ZNF467: variants seen among roughly 807,000 people sequenced by gnomAD.
ZNF467 encodes zinc finger protein EZI.
In ZNF467, 51 loss-of-function variants were observed where a neutral mutation model predicts 47.8. That is an observed-to-expected ratio of 1.07 (90% CI 0.85 to 1.35). The LOEUF is 1.35. Ranked by LOEUF, ZNF467 falls within the 40% of genes most tolerant of loss-of-function variation. ZNF467 has a pLI of 0.00. For missense variants in ZNF467, 992 were observed against 858.1 expected (o/e 1.16, Z -1.95); for synonymous variants, 416 against 372.9 (o/e 1.12, Z -1.33).
At position 149,765,216 on chromosome 7, in the gene ZNF467, C is replaced by T. The variant is rs1368456637; in HGVS notation, c.1286G>A (p.Arg429Gln). Residue 429 changes from arginine to glutamine, a missense_variant, in exon 5 of 5, where the codon CGG becomes CAG. By Grantham distance (43) the Arg-to-Gln change is conservative (BLOSUM62 1). Transcript: ENST00000302017. Reference sequence around the variant, plus strand: ...CCCGCAGTCCGGGCAGAAGAAGGACCGCTCGCCCGAGGGGGCGCGCTGGGG... The same window carrying T: ...CCCGCAGTCCGGGCAGAAGAAGGACTGCTCGCCCGAGGGGGCGCGCTGGGG... ...VVPQRAPSGE[R>Q]SFFCPDCGRG... The T allele has an allele frequency of 6.7e-7, 1 of 1,497,446 alleles. No individual in the cohort carries two copies. The highest frequency in any genetic ancestry group is 8.9e-7 in the Non-Finnish European group (1 of 1,127,324). The allele number at this position is 1,497,446 out of a possible 1,614,324, so 92.8% of individuals were successfully genotyped here.
chr7:149,766,497 C>T (rs1244326487), intron 4 of ZNF467, among the ~76,000 whole-genome samples: 3 of 152,194 alleles, frequency 2.0e-5, no homozygotes, highest in South Asian at 2.1e-4. Context: ...CTCCAGCACC[C>T]CTGAAGAGGA....
chr7:149,765,938 G>A lies in ZNF467; in HGVS notation c.564C>T (p.Cys188=). The A allele has an allele frequency of 6.4e-7, 1 of 1,553,962 alleles. No individual in the cohort carries two copies. Among genetic ancestry groups the A allele is most frequent in the Non-Finnish European group, 8.7e-7 (1 of 1,150,166 alleles). ...HQRLHRGEGP[C]ACPDCGRSFT... is the part of the protein sequence containing the mutation. The stretch of plus-strand genomic sequence containing the variant: ...AGCTGCGGCCGCAGTCCGGGCAGGC[G>A]CAGGGGCCCTCGCCCCGGTGCAGCC... Residue 188 remains cysteine (C), a synonymous_variant, in exon 5 of 5, where the codon TGC becomes TGT. Coordinates refer to ENST00000302017, the MANE Select transcript of ZNF467 (RefSeq NM_207336.3).
At chr7:149,766,472 A>G (rs1230799677) in intron 4 of ZNF467, among the ~76,000 whole-genome samples, 1 of 152,122 alleles carries the variant, frequency 6.6e-6, no homozygotes, top group Non-Finnish European at 1.5e-5. Context: ...CCCGGCCTGG[A>G]TGTGCCCAGG....
rs752569759 is a variant in ZNF467, at chr7:149,764,649, A to G, written c.*65T>C. 2.3e-5 allele frequency: 36 copies of G among 1,556,324 alleles called. No homozygotes were observed. The highest frequency in any genetic ancestry group is 3.0e-5 in the Non-Finnish European group (35 of 1,149,746). On this transcript the variant is annotated 3_prime_UTR_variant, in exon 5 of 5. Coordinates refer to ENST00000302017, the MANE Select transcript of ZNF467 (RefSeq NM_207336.3). ...CAGCCCAGGTCGCCTTGCTCACCCC[A>G]GGCGGTCTCATGGCACGGGCCTCTC... is the stretch of plus-strand genomic sequence containing the variant.
intron 1 of ZNF467, 99 bp downstream of exon 1, chr7:149,773,009 C>A (rs1411055350): frequency 1.5e-4 from 22 of 150,326 alleles, no homozygotes; most frequent in African/African-American, 5.4e-4. Context: ...CGCCCCTACC[C>A]CCGGGGCTGT....
At position 149,765,417 on chromosome 7, in the gene ZNF467, A is replaced by T; in HGVS notation, c.1085T>A (p.Leu362Ter). ...GAGGTTCTTTTTCCAGCCGAAGCTC[A>T]AGCCGCAGTCGGAGCACGCGAAAGG... ...PKPFACSDCG[L>*]SFGWKKNLAT... The change falls in exon 5 of 5, where the codon TTG becomes TAG. Residue 362 changes from leucine to a stop codon, truncating the protein, a stop_gained. Transcript: ENST00000302017. LOFTEE classifies it high-confidence loss of function. 1.3e-6 allele frequency: 2 copies of T among 1,576,148 alleles called. No individual in the cohort carries two copies. Among genetic ancestry groups the T allele is most frequent in the Non-Finnish European group, 1.7e-6 (2 of 1,161,622 alleles).
chr7:149,770,472 G>A lies in ZNF467; in HGVS notation c.119C>T (p.Ser40Phe), dbSNP rs776600880. Residue 40 changes from serine (S) to phenylalanine (F), a missense_variant, in exon 3 of 5, where the codon TCT becomes TTT. Physicochemically the swap from Ser to Phe is radical, Grantham distance 155. Coordinates refer to ENST00000302017, the MANE Select transcript of ZNF467 (RefSeq NM_207336.3). ...CACCCCCAGTGCTCTCTCTTCCCTAGAAGAGGACATCTGCTCCTGGGCATT... is the reference window on the plus strand; with the variant it reads ...CACCCCCAGTGCTCTCTCTTCCCTAAAAGAGGACATCTGCTCCTGGGCATT... ...SHNAQEQMSS[S>F]REERALGVCS... is the part of the protein sequence containing the mutation. 1.1e-5 allele frequency: 17 copies of A among 1,613,482 alleles called. No homozygotes were observed. The African/African-American group carries it at 2.3e-4, about 22-fold the overall frequency.
intron 4 of ZNF467, 45 bp from the exon 5 acceptor site, chr7:149,766,284 C>T (rs1268766318): frequency 5.3e-6 from 8 of 1,509,912 alleles, no homozygotes; most frequent in Non-Finnish European, 5.3e-6. Context: ...CCACGTGCGG[C>T]AACGTCTATT....
In ZNF467 at chr7:149,765,405, C is replaced by A; in HGVS notation, c.1097G>T (p.Trp366Leu). 6.4e-7 allele frequency: 1 copy of A among 1,572,266 alleles called. No individual in the cohort carries two copies. Among genetic ancestry groups the A allele is most frequent in the Non-Finnish European group, 8.6e-7 (1 of 1,159,668 alleles). Residue 366 changes from tryptophan to leucine, a missense_variant, in exon 5 of 5, where the codon TGG (tryptophan) becomes TTG (leucine). Coordinates refer to ENST00000302017, the MANE Select transcript of ZNF467 (RefSeq NM_207336.3). ...CTGGTGCGTGGCGAGGTTCTTTTTC[C>A]AGCCGAAGCTCAAGCCGCAGTCGGA... is the stretch of plus-strand genomic sequence containing the variant. ...ACSDCGLSFG[W>L]KKNLATHQCL...
chr7:149,767,267 C>T (rs1389509276), intron 4 of ZNF467, among the ~76,000 whole-genome samples: 1 of 152,256 alleles, frequency 6.6e-6, no homozygotes, highest in Non-Finnish European at 1.5e-5. Context: ...TCCTGGGAAA[C>T]GTTGAGAAAA....
At position 149,765,677 on chromosome 7, in the gene ZNF467, C is replaced by G. The variant is rs144084437; in HGVS notation, c.825G>C (p.Thr275=). Residue 275 remains threonine, a synonymous_variant, in exon 5 of 5, where the codon ACG becomes ACC. Transcript: ENST00000302017. ...THTGERPFPC[T]ECEKRFRKKT... ...TCTTGCGAAAGCGCTTCTCGCATTC[C>G]GTGCAGGGGAAGGGCCGCTCGCCGG... is the stretch of plus-strand genomic sequence containing the variant. The G allele has an allele frequency of 6.3e-4, 1,019 of 1,613,158 alleles. 3 individuals are homozygous for G. The African/African-American group carries it at 0.012, about 19-fold the overall frequency.
At position 149,765,632 on chromosome 7, in the gene ZNF467, G is replaced by C; in HGVS notation, c.870C>G (p.His290Gln). 1 of 1,608,924 alleles carries C rather than the reference G, an allele frequency of 6.2e-7. No homozygotes were observed. Among genetic ancestry groups the C allele is most frequent in the Non-Finnish European group, 8.5e-7 (1 of 1,177,958 alleles). ...GCCTCTCGCCCGTATGGATGCGCTG[G>C]TGCCGAATCAAGTGCGTCTTCTTGC... Reference protein sequence around the residue: ...RFRKKTHLIRHQRIHTGERPY... With the variant: ...RFRKKTHLIRQQRIHTGERPY... The change falls in exon 5 of 5, where the codon CAC becomes CAG. Residue 290 changes from histidine to glutamine, a missense_variant. His to Gln is a conservative substitution (Grantham distance 24). Transcript: ENST00000302017.
intron 1 of ZNF467, among the ~76,000 whole-genome samples, chr7:149,772,006 C>T (rs1238302247): frequency 6.1e-5 from 9 of 148,338 alleles, no homozygotes; most frequent in Non-Finnish European, 4.5e-5. Context: ...TTTCCCTACC[C>T]TCCCGGTTCT....
upstream of ZNF467, chr7:149,776,252 C>T (rs987922472): frequency 6.2e-5 from 74 of 1,193,724 alleles, no homozygotes; most frequent in Non-Finnish European, 7.8e-5. Context: ...ATCCTCCTTA[C>T]TTCAATAACC....
rs745763538 is a variant in ZNF467 at position 149,765,963 on chromosome 7, C to T, written c.539G>A (p.Arg180Gln). The change falls in exon 5 of 5, where the codon CGG (arginine) becomes CAG (glutamine). Residue 180 changes from arginine to glutamine, a missense_variant. Arg to Gln is a conservative substitution (Grantham distance 43). Coordinates refer to ENST00000302017, the MANE Select transcript of ZNF467 (RefSeq NM_207336.3). ...RDQLTLRLHQ[R>Q]LHRGEGPCAC... ...GCAGGGGCCCTCGCCCCGGTGCAGCCGCTGGTGCAGTCGCAACGTCAGCTG... is the reference window on the plus strand; with the variant it reads ...GCAGGGGCCCTCGCCCCGGTGCAGCTGCTGGTGCAGTCGCAACGTCAGCTG... 1.1e-5 allele frequency: 17 copies of T among 1,553,380 alleles called. No individual in the cohort carries two copies. Among genetic ancestry groups the T allele is most frequent in the Admixed American group, 3.9e-5 (2 of 51,356 alleles).
rs746356447 is a variant in ZNF467 at position 149,765,734 on chromosome 7, C to G, written c.768G>C (p.Lys256Asn). 4.3e-6 allele frequency: 7 copies of G among 1,613,506 alleles called. No individual in the cohort carries two copies. The highest frequency in any genetic ancestry group is 1.7e-5 in the Admixed American group (1 of 59,992). Residue 256 changes from lysine (K) to asparagine (N), a missense_variant, in exon 5 of 5, where the codon AAG becomes AAC. Physicochemically the swap from Lys to Asn is moderately conservative, Grantham distance 94 (BLOSUM62 0). Coordinates refer to ENST00000302017, the MANE Select transcript of ZNF467 (RefSeq NM_207336.3). ...CAECGKRFSQKIHLGSHQKTH... is the reference protein window; with the variant it reads ...CAECGKRFSQNIHLGSHQKTH... ...TCTTTTGGTGCGAGCCCAGGTGGAT[C>G]TTCTGGCTGAAGCGCTTGCCGCACT...
intron 1 of ZNF467, among the ~76,000 whole-genome samples, chr7:149,771,668 C>CCCCTGCTGCCCCTT (rs1799411793): frequency 6.6e-6 from 1 of 151,966 alleles, no homozygotes; most frequent in Non-Finnish European, 1.5e-5. Context: ...CCGGACACCG[C>CCCCTGCTGCCCCTT]CCCTGCTGCC....
chr7:149,766,292 A>G (rs1210078782), intron 4 of ZNF467, 53 bp from the exon 5 acceptor site: 28 of 1,508,788 alleles, frequency 1.9e-5, no homozygotes, highest in Middle Eastern at 3.6e-4. Context: ...GGCAACGTCT[A>G]TTTAACCACA....
At chr7:149,775,956 G>C (rs901993349), upstream of ZNF467, 3 of 1,093,180 alleles carry the variant, frequency 2.7e-6, no homozygotes, top group Admixed American at 4.2e-5. Context: ...AGAGAGCACC[G>C]CTGGCCTCTC....
Sources: allele counts gnomAD v4.1 joint callset (sites outside exome capture counted in the v4.1 genomes callset), GRCh38; gene constraint gnomAD v4.1.1; transcripts MANE v1.5; gene names NCBI Gene and HGNC (gene_info 2026-07-23, HGNC 2026-07-21).